The following BCO1 variants were observed in gnomAD, a reference collection of about 807,000 sequenced individuals.
BCO1 encodes beta,beta-carotene 15,15'-dioxygenase.
BCO1 carries 54 observed loss-of-function variants against 56.3 expected under a neutral mutation model. The ratio of observed to expected loss-of-function variants is 0.96; its 90% CI spans 0.77 to 1.20. The LOEUF is 1.20. Among genes scored for constraint, BCO1 ranks in the 50% most tolerant of loss-of-function variants. The probability of loss-of-function intolerance (pLI) is 0.00; values close to 1 mark genes in which losing one functional copy is unlikely to be tolerated. For synonymous variants in BCO1, 318 were observed against 266.1 expected (o/e 1.20, Z -1.90); for missense variants, 801 against 690.9 (o/e 1.16, Z -1.79).
intron 7 of BCO1, among the ~76,000 whole-genome samples, chr16:81,270,779 C>T (rs1435416015): frequency 8.6e-5 from 13 of 151,046 alleles, no homozygotes; most frequent in African/African-American, 3.2e-4. Flanking sequence ...TAGTCTCGCT[C>T]TGTCACCCAG....
At position 81,290,826 on chromosome 16, in the gene BCO1, A is replaced by T; in HGVS notation, c.*249A>T. ...TGATTAGATCCAGTCCTTCTAAGAA[A>T]CCTCCTTTCCTTTAACAAAAAGACC... On this transcript the variant is annotated 3_prime_UTR_variant, in exon 11 of 11. Coordinates refer to ENST00000258168, the MANE Select transcript of BCO1 (RefSeq NM_017429.3). 2.4e-6 allele frequency: 1 copy of T among 420,200 alleles called. No individual in the cohort carries two copies. The allele number at this position is 420,200 out of a possible 1,614,324, so 26.0% of individuals were successfully genotyped here. A position where few individuals can be genotyped will look rare whatever the true frequency, so the allele number is the denominator to read the frequency against.
chr16:81,276,602 G>A (rs1907571820), intron 7 of BCO1, among the ~76,000 whole-genome samples: 2 of 152,220 alleles, frequency 1.3e-5, no homozygotes, highest in Admixed American at 6.5e-5. Flanking sequence ...ACTCTAAGGA[G>A]TCCTGGGGTT....
intron 7 of BCO1, among the ~76,000 whole-genome samples, chr16:81,270,903 C>A (rs1404613375): frequency 2.0e-5 from 3 of 152,106 alleles, no homozygotes; most frequent in Non-Finnish European, 4.4e-5. Flanking sequence ...CGCCACCATG[C>A]CCAGAGAATT....
At chr16:81,270,996 G>A (rs1037262280) in intron 7 of BCO1, among the ~76,000 whole-genome samples, 1 of 152,096 alleles carries the variant, frequency 6.6e-6, no homozygotes, top group African/African-American at 2.4e-5. Flanking sequence ...CACCCGCCTC[G>A]GCCTCCCAAA....
At chr16:81,257,340 C>T (rs1441534460) in intron 2 of BCO1, among the ~76,000 whole-genome samples, 3 of 152,066 alleles carry the variant, frequency 2.0e-5, no homozygotes, top group Non-Finnish European at 4.4e-5. Context: ...TCTCGGCTCA[C>T]TGCAGCCTCT....
intron 2 of BCO1, among the ~76,000 whole-genome samples, chr16:81,253,288 A>G (rs1042655475): frequency 1.3e-5 from 2 of 152,054 alleles, no homozygotes; most frequent in Admixed American, 6.6e-5. Flanking sequence ...CTGCATCTCA[A>G]TACTCTACGC....
intron 1 of BCO1, among the ~76,000 whole-genome samples, chr16:81,243,387 T>C (rs1336265360): frequency 6.6e-6 from 1 of 152,190 alleles, no homozygotes; most frequent in African/African-American, 2.4e-5. Context: ...GTTTCATTGC[T>C]TACAGTTTTC....
At chr16:81,269,761 C>A (rs1265536356) in intron 6 of BCO1, among the ~76,000 whole-genome samples, 4 of 152,206 alleles carry the variant, frequency 2.6e-5, no homozygotes, top group Non-Finnish European at 5.9e-5. Context: ...GCCACTGTGC[C>A]CTGCCAAGGC....
At chr16:81,241,272 CA>C (rs1905094502) in intron 1 of BCO1, among the ~76,000 whole-genome samples, 1 of 151,996 alleles carries the variant, frequency 6.6e-6, no homozygotes, top group African/African-American at 2.4e-5. Flanking sequence ...AAGATCGCAC[CA>C]CTGTACTCCA....
intron 2 of BCO1, among the ~76,000 whole-genome samples, chr16:81,252,299 A>G (rs1425809169): frequency 6.6e-6 from 1 of 151,536 alleles, no homozygotes; most frequent in African/African-American, 2.4e-5. Context: ...TTGCTCTGTC[A>G]CCCAGGCTGG....
At chr16:81,251,668 A>T (rs1450091870) in intron 2 of BCO1, among the ~76,000 whole-genome samples, 5 of 152,092 alleles carry the variant, frequency 3.3e-5, no homozygotes, top group Admixed American at 2.0e-4. Flanking sequence ...TCCTTTCTGT[A>T]CATCTAAAAT....
chr16:81,269,016 T>A (rs1288515099), intron 6 of BCO1, among the ~76,000 whole-genome samples: 1 of 150,238 alleles, frequency 6.7e-6, no homozygotes, highest in East Asian at 1.9e-4. Flanking sequence ...TCCTCCTCCC[T>A]TCCCCTCCCA....
intron 2 of BCO1, among the ~76,000 whole-genome samples, chr16:81,254,275 C>G (rs1411945922): frequency 2.7e-5 from 4 of 146,096 alleles, no homozygotes; most frequent in African/African-American, 1.0e-4. Flanking sequence ...ACTATGGGTG[C>G]GTGCCACCAC....
At chr16:81,282,631 G>C (rs572993182) in intron 8 of BCO1, among the ~76,000 whole-genome samples, 1 of 150,948 alleles carries the variant, frequency 6.6e-6, no homozygotes, top group East Asian at 1.9e-4. Context: ...AGGTCTGAAG[G>C]CATCAACCCC....
chr16:81,245,726 G>A (rs1220649371), intron 2 of BCO1, 123 bp downstream of exon 2: 3 of 1,286,612 alleles, frequency 2.3e-6, no homozygotes, highest in African/African-American at 2.9e-5. Context: ...GGGTCTCACT[G>A]AACTGAAATC....
chr16:81,246,538 A>G (rs1255708635), intron 2 of BCO1, among the ~76,000 whole-genome samples: 1 of 152,104 alleles, frequency 6.6e-6, no homozygotes, highest in African/African-American at 2.4e-5. Context: ...AGACATGCCT[A>G]AAGTTGAAAC....
intron 8 of BCO1, among the ~76,000 whole-genome samples, chr16:81,281,499 C>G (rs1372227876): frequency 1.3e-5 from 2 of 152,144 alleles, no homozygotes; most frequent in African/African-American, 2.4e-5. Context: ...GGCCAGATGA[C>G]TTCTGCAAAT....
At position 81,245,812 on chromosome 16, in the gene BCO1, A is replaced by G. The variant is rs902369971; in HGVS notation, c.193+209A>G. Among the ~76,000 whole-genome samples, 67 of 148,660 alleles carry G rather than the reference A, an allele frequency of 4.5e-4. 2 individuals are homozygous for G. Among genetic ancestry groups the G allele is most frequent in the Admixed American group, 4.0e-3 (59 of 14,908 alleles). The stretch of plus-strand genomic sequence containing the variant: ...CACGTTCTTCCGTTTTCTATCTTCT[A>G]GAAGCCGCTTTCCTTGACTTGTGGC... On this transcript the variant is annotated intron_variant, in intron 2 of 10. Coordinates refer to ENST00000258168, the MANE Select transcript of BCO1 (RefSeq NM_017429.3).
chr16:81,259,768 A>C lies in BCO1; in HGVS notation c.286A>C (p.Met96Leu), dbSNP rs772176060. The stretch of plus-strand genomic sequence containing the variant: ...GATTGTGGTGTCTGAGTTTGGAACA[A>C]TGGCCTATCCGGACCCCTGCAAAAA... ...NRIVVSEFGT[M>L]AYPDPCKNIF... Residue 96 changes from methionine (M) to leucine (L), a missense_variant, in exon 3 of 11, where the codon ATG (methionine) becomes CTG (leucine). By Grantham distance (15) the Met-to-Leu change is conservative. Coordinates refer to ENST00000258168, the MANE Select transcript of BCO1 (RefSeq NM_017429.3). 6 of 1,614,130 alleles carry C rather than the reference A, an allele frequency of 3.7e-6. No homozygotes were observed. The highest frequency in any genetic ancestry group is 5.1e-6 in the Non-Finnish European group (6 of 1,180,052).
Sources: gnomAD v4.1 joint callset for allele counts (sites outside exome capture counted in the v4.1 genomes callset) on GRCh38, gnomAD v4.1.1 for gene constraint, MANE v1.5 for transcripts, NCBI Gene and HGNC (gene_info 2026-07-23, HGNC 2026-07-21) for gene names.